Variants in MDN1 observed in about 807,000 individuals in gnomAD.
MDN1 encodes the protein midasin.
MDN1 carries 266 observed loss-of-function variants against 669.2 expected under a neutral mutation model. The observed-to-expected ratio is 0.40, with a 90% CI of 0.36 to 0.44. MDN1 has a LOEUF of 0.44. Among genes scored for constraint, MDN1 ranks in the 20% least tolerant of loss-of-function variants. The pLI, the probability that MDN1 is intolerant of heterozygous loss-of-function variation, is 1.00. For synonymous variants in MDN1, 2,385 were observed against 2,457.1 expected (o/e 0.97, Z 0.87); for missense variants, 5,940 against 6,754.0 (o/e 0.88, Z 4.22).
rs749977547 is a variant in MDN1, at chr6:89,749,670, G to A, written c.3488C>T (p.Ala1163Val). The part of the protein sequence containing the change: ...LNLAPTDVLE[A>V]LNRLLDDNRE... ...GTTATCATCCAACAGCCTATTCAGC[G>A]CCTCTAACACATCAGTAGGGGCCAA... The change falls in exon 25 of 102, where the codon GCG becomes GTG. Residue 1163 changes from alanine (A) to valine (V), a missense_variant. Around this residue, in one of 5 missense-constraint regions of MDN1, gnomAD observed 2,292 missense variants for 2,638.3 expected, o/e 0.87. Transcript: ENST00000369393. 12 of 1,613,912 alleles carry A rather than the reference G, an allele frequency of 7.4e-6. 1 individual carries two copies. Among genetic ancestry groups the A allele is most frequent in the South Asian group, 4.4e-5 (4 of 91,088 alleles).
chr6:89,774,565 T>A, intron 13 of MDN1, 56 bp downstream of exon 13: 1 of 1,288,944 alleles, frequency 7.8e-7, no homozygotes, highest in South Asian at 1.2e-5. Context: ...AGCTAGACCT[T>A]CTGTCAAGTT....
At chr6:89,687,096 C>G in intron 68 of MDN1, 73 bp from the exon 69 acceptor site, 5 of 1,577,320 alleles carry the variant, frequency 3.2e-6, no homozygotes, top group Non-Finnish European at 4.3e-6. Context: ...GATGCAGAAG[C>G]TACATGCTCA....
At chr6:89,763,332 C>CAA (rs35383804) in intron 15 of MDN1, among the ~76,000 whole-genome samples, 147 of 97,034 alleles carry the variant, frequency 1.5e-3, no homozygotes, top group African/African-American at 4.9e-3. Context: ...GTAGGGCACG[C>CAA]AAAAAAAAAA....
intron 19 of MDN1, among the ~76,000 whole-genome samples, chr6:89,757,978 G>A (rs1044638837): frequency 1.8e-4 from 28 of 152,178 alleles, no homozygotes; most frequent in African/African-American, 6.8e-4. Flanking sequence ...AACCCAGGAG[G>A]TGGAGGTTGT....
chr6:89,688,493 G>A (rs1812168798), intron 66 of MDN1, 80 bp downstream of exon 66: 7 of 1,290,716 alleles, frequency 5.4e-6, no homozygotes, highest in Non-Finnish European at 3.2e-6. Context: ...GCAAGTGGGT[G>A]CCCCCAGGGA....
At chr6:89,719,297 C>A in intron 40 of MDN1, 72 bp from the exon 41 acceptor site, 1 of 1,233,598 alleles carries the variant, frequency 8.1e-7, no homozygotes, top group Non-Finnish European at 1.2e-6. Context: ...TTCTAGAAAA[C>A]AAGCACAGTG....
At chr6:89,750,275 A>G in intron 24 of MDN1, 79 bp downstream of exon 24, 1 of 1,402,692 alleles carries the variant, frequency 7.1e-7, no homozygotes, top group Non-Finnish European at 9.8e-7. Flanking sequence ...CTCAATTGGA[A>G]AGGATGAAGA....
Position 89,700,216 on chromosome 6 carries a change from T to G in MDN1, c.8717A>C (p.Lys2906Thr), listed in dbSNP as rs922300849. Residue 2906 changes from lysine to threonine, a missense_variant, in exon 57 of 102, where the codon AAG (lysine) becomes ACG (threonine). This residue lies in a region of MDN1 where 2,292 missense variants were observed against 2,638.3 expected (regional missense o/e 0.87). Transcript: ENST00000369393. ...GGACAGGGAGGAAGCTTCATCATGCTTTTTCTCCAGAAAACCAAGTGAGAG... is the reference window on the plus strand; with the variant it reads ...GGACAGGGAGGAAGCTTCATCATGCGTTTTCTCCAGAAAACCAAGTGAGAG... Reference protein sequence around the residue: ...KGLSLGFLEKKHDEASSLSHP... With the variant: ...KGLSLGFLEKTHDEASSLSHP... 39 of 1,614,022 alleles carry G rather than the reference T, an allele frequency of 2.4e-5. No individual in the cohort carries two copies. Among genetic ancestry groups the G allele is most frequent in the Non-Finnish European group, 3.1e-5 (37 of 1,179,998 alleles).
chr6:89,657,179 A>G (rs1474477511), intron 90 of MDN1, among the ~76,000 whole-genome samples: 1 of 152,250 alleles, frequency 6.6e-6, no homozygotes, highest in African/African-American at 2.4e-5. Context: ...CAAATATACA[A>G]TGAAGAAAAT....
intron 2 of MDN1, among the ~76,000 whole-genome samples, chr6:89,798,035 A>G (rs1463845869): frequency 1.3e-5 from 2 of 151,806 alleles, no homozygotes; most frequent in Admixed American, 6.6e-5. Flanking sequence ...AAAAAAAATT[A>G]GCCAGGCGTG....
At chr6:89,760,071 C>CA (rs201177302) in intron 17 of MDN1, among the ~76,000 whole-genome samples, 16,760 of 146,756 alleles carry the variant, frequency 0.11, 964 homozygotes, top group Non-Finnish European at 0.13. Flanking sequence ...GACTCTGTCT[C>CA]AAAAAAAAAT....
chr6:89,683,991 A>G (rs978442932), intron 71 of MDN1, 87 bp from the exon 72 acceptor site: 2 of 979,388 alleles, frequency 2.0e-6, no homozygotes, highest in Non-Finnish European at 3.2e-6. Context: ...CAAAGACCAG[A>G]GCTCACTCTA....
At chr6:89,785,206 G>T in intron 8 of MDN1, 80 bp from the exon 9 acceptor site, 1 of 919,338 alleles carries the variant, frequency 1.1e-6, no homozygotes, top group Non-Finnish European at 1.8e-6. Context: ...ATTACTTGCT[G>T]TACACTGTCT....
At chr6:89,670,152 A>ATG (rs1243151683) in intron 83 of MDN1, among the ~76,000 whole-genome samples, 1 of 21,308 alleles carries the variant, frequency 4.7e-5, no homozygotes, top group Non-Finnish European at 7.5e-5. Context: ...ATATATATAT[A>ATG]TATATATATA....
Position 89,695,860 on chromosome 6 carries a change from G to C in MDN1, c.9516C>G (p.Ala3172=). 6 of 1,613,612 alleles carry C rather than the reference G, an allele frequency of 3.7e-6. No homozygotes were observed. The highest frequency in any genetic ancestry group is 4.2e-6 in the Non-Finnish European group (5 of 1,180,028). The change falls in exon 61 of 102, where the codon GCC becomes GCG. Residue 3172 remains alanine, a synonymous_variant. Coordinates refer to ENST00000369393, the MANE Select transcript of MDN1 (RefSeq NM_014611.3). The surrounding 1 kb of genome is among the most constrained non-coding windows in gnomAD (Gnocchi z 4.1). ...CAAGTGTCTGGCCCACATGCTGGAA[G>C]GCCTGGCTGCTCCCAAGCAGCAGCT... ...CEQLLLGSSQ[A]FQHVGQTLGD... is the part of the protein sequence containing the mutation.
In MDN1 at chr6:89,690,748, C is replaced by T; in HGVS notation, c.10674G>A (p.Arg3558=). The T allele has an allele frequency of 3.1e-6, 5 of 1,614,156 alleles. No individual in the cohort carries two copies. Among genetic ancestry groups the T allele is most frequent in the South Asian group, 2.2e-5 (2 of 91,078 alleles). ...CTTCACTCAGGGCTGTCCTAGAGTT[C>T]CTGCTCCTGTATCTATACAGGCCGC... ...QESGLYRYRS[R]NSRTALSEEE... Residue 3558 remains arginine (R), a synonymous_variant, in exon 64 of 102, where the codon AGG becomes AGA. Coordinates refer to ENST00000369393, the MANE Select transcript of MDN1 (RefSeq NM_014611.3).
At chr6:89,668,538 GA>G (rs1405024965) in intron 83 of MDN1, among the ~76,000 whole-genome samples, 1 of 152,050 alleles carries the variant, frequency 6.6e-6, no homozygotes, top group African/African-American at 2.4e-5. Flanking sequence ...GTGAAATGTT[GA>G]AAAAAACTAT....
chr6:89,669,212 G>T (rs1483918093), intron 83 of MDN1, among the ~76,000 whole-genome samples: 1 of 152,066 alleles, frequency 6.6e-6, no homozygotes, highest in Non-Finnish European at 1.5e-5. Flanking sequence ...CAAAAGCTAC[G>T]GTACAAATGG....
intron 22 of MDN1, among the ~76,000 whole-genome samples, chr6:89,752,119 T>TA (rs902868826): frequency 2.0e-5 from 3 of 152,126 alleles, no homozygotes; most frequent in African/African-American, 7.2e-5. Context: ...TTTTTATAAG[T>TA]AAAAAAATGG....
Sources: gnomAD v4.1 joint callset for allele counts (sites outside exome capture counted in the v4.1 genomes callset) on GRCh38, gnomAD v4.1.1 for gene constraint, gnomAD v4.1.1 regional missense constraint, Gnocchi (gnomAD v3.1) non-coding constraint, MANE v1.5 for transcripts, NCBI Gene and HGNC (gene_info 2026-07-23, HGNC 2026-07-21) for gene names.